Variants in SLC7A8 observed in about 807,000 individuals in gnomAD.
SLC7A8 encodes the protein large neutral amino acids transporter small subunit 2.
In SLC7A8, 30 loss-of-function variants were observed where a neutral mutation model predicts 51.2. That is an observed-to-expected ratio of 0.59 (90% CI 0.44 to 0.80). SLC7A8 has a LOEUF of 0.80. Among genes scored for constraint, SLC7A8 ranks in the 30% least tolerant of loss-of-function variants. SLC7A8 has a pLI of 0.00. For synonymous variants in SLC7A8, 257 were observed against 275.8 expected, an observed-to-expected ratio of 0.93 and a Z score of 0.67; for missense variants, 612 against 674.4, an observed-to-expected ratio of 0.91 and a Z score of 1.03.
intron 1 of SLC7A8, among the ~76,000 whole-genome samples, chr14:23,176,813 G>T (rs780349689): frequency 2.0e-5 from 3 of 151,778 alleles, no homozygotes; most frequent in African/African-American, 7.3e-5. Context: ...GTGGTAGCTC[G>T]CGCCTGTAAT....
At position 23,171,068 on chromosome 14, in the gene SLC7A8, T is replaced by G. The variant is rs149011413; in HGVS notation, c.152-4528A>C. Among the ~76,000 whole-genome samples, 18 of 152,284 alleles carry G rather than the reference T, an allele frequency of 1.2e-4. 1 individual carries two copies. The highest frequency in any genetic ancestry group is 6.8e-3 in the Middle Eastern group (2 of 294). On this transcript the variant is annotated intron_variant, in intron 1 of 10. Transcript: ENST00000316902. ...GATGAGATATAGGAAGAAAGTTGAT[T>G]ACTGTGGGTTTTTTCCTCCAATGTT...
chr14:23,134,507 G>A (rs1336889789), intron 7 of SLC7A8, among the ~76,000 whole-genome samples: 7 of 150,330 alleles, frequency 4.7e-5, no homozygotes, highest in African/African-American at 1.5e-4. Context: ...TAAAATAGAT[G>A]GAATATTTAT....
intron 3 of SLC7A8, among the ~76,000 whole-genome samples, chr14:23,149,287 T>C (rs949474327): frequency 2.0e-5 from 3 of 152,206 alleles, no homozygotes; most frequent in Admixed American, 6.5e-5. Context: ...TCTTTCCTTT[T>C]AGAGAAATCC....
intron 1 of SLC7A8, among the ~76,000 whole-genome samples, chr14:23,176,141 T>C (rs1413165545): frequency 6.6e-6 from 1 of 152,214 alleles, no homozygotes; most frequent in Non-Finnish European, 1.5e-5. Context: ...CCAGTAGACA[T>C]TTTTGGGATT....
At position 23,166,446 on chromosome 14, in the gene SLC7A8, C is replaced by T. The variant is rs556269281; in HGVS notation, c.246G>A (p.Thr82=). The change falls in exon 2 of 11, where the codon ACG becomes ACA. Residue 82 remains threonine, a synonymous_variant. Coordinates refer to ENST00000316902, the MANE Select transcript of SLC7A8 (RefSeq NM_012244.4). The part of the protein sequence containing the change: ...VGLALIVWIV[T]GFITVVGALC... Reference sequence around the variant, plus strand: ...GGGCTCCCACAACTGTGATGAAGCCCGTCACAATCCAGACGATGAGAGCAA... The same window carrying T: ...GGGCTCCCACAACTGTGATGAAGCCTGTCACAATCCAGACGATGAGAGCAA... 45 of 1,614,138 alleles carry T rather than the reference C, an allele frequency of 2.8e-5. 1 individual carries two copies. Among genetic ancestry groups the T allele is most frequent in the South Asian group, 8.8e-5 (8 of 91,076 alleles).
Position 23,182,894 on chromosome 14 carries a change from G to T in SLC7A8, c.21C>A (p.His7Gln). MEEGAR[H>Q]RNNTEKKHPG... Reference sequence around the variant, plus strand: ...GGTGTTTCTTTTCGGTGTTGTTTCGGTGCCTGGCTCCTTCTTCCATCCTTC... The same window carrying T: ...GGTGTTTCTTTTCGGTGTTGTTTCGTTGCCTGGCTCCTTCTTCCATCCTTC... Residue 7 changes from histidine to glutamine, a missense_variant, in exon 1 of 11, where the codon CAC (histidine) becomes CAA (glutamine). By Grantham distance (24) the His-to-Gln change is conservative. Transcript: ENST00000316902. The T allele has an allele frequency of 6.2e-7, 1 of 1,614,122 alleles. No homozygotes were observed. The highest frequency in any genetic ancestry group is 8.5e-7 in the Non-Finnish European group (1 of 1,180,022).
chr14:23,136,838 C>T (rs1288490549), intron 7 of SLC7A8, among the ~76,000 whole-genome samples: 4 of 152,232 alleles, frequency 2.6e-5, no homozygotes, highest in Non-Finnish European at 2.9e-5. Context: ...TTGGCCTCGG[C>T]GGGGCCTCCG....
At chr14:23,178,280 TG>T (rs767673530) in intron 1 of SLC7A8, among the ~76,000 whole-genome samples, 2 of 152,210 alleles carry the variant, frequency 1.3e-5, no homozygotes, top group East Asian at 3.8e-4. Flanking sequence ...CTTTCGACTT[TG>T]GGGGGAACTC....
chr14:23,155,453 C>T (rs1330459158), intron 3 of SLC7A8: 2 of 1,432,290 alleles, frequency 1.4e-6, no homozygotes, highest in Non-Finnish European at 9.1e-7. Context: ...TCTGCTGAAT[C>T]ACCACCCAGT....
chr14:23,179,493 T>C (rs969412497), intron 1 of SLC7A8, among the ~76,000 whole-genome samples: 1 of 150,498 alleles, frequency 6.6e-6, no homozygotes, highest in African/African-American at 2.5e-5. Context: ...AATGTAACTT[T>C]GCCACAGTCC....
At position 23,127,607 on chromosome 14, in the gene SLC7A8, G is replaced by A. The variant is rs1299329159; in HGVS notation, c.1442-264C>T. 3.3e-5 allele frequency among the ~76,000 whole-genome samples: 5 copies of A among 152,286 alleles called. 1 individual carries two copies. The highest frequency in any genetic ancestry group is 1.2e-4 in the African/African-American group (5 of 41,564). Reference sequence around the variant, plus strand: ...TCTCCTCTGGTCTCCACCCAGCCTCGGGCAGCTCTCACAGAATGGCTGACA... The same window carrying A: ...TCTCCTCTGGTCTCCACCCAGCCTCAGGCAGCTCTCACAGAATGGCTGACA... On this transcript the variant is annotated intron_variant, in intron 10 of 10. Coordinates refer to ENST00000316902, the MANE Select transcript of SLC7A8 (RefSeq NM_012244.4).
At chr14:23,162,101 A>C (rs1228582705) in intron 3 of SLC7A8, among the ~76,000 whole-genome samples, 1 of 152,058 alleles carries the variant, frequency 6.6e-6, no homozygotes, top group African/African-American at 2.4e-5. Context: ...AAAGTATTCA[A>C]CAAACCGGAA....
rs2048942815 is a variant in SLC7A8 at position 23,165,173 on chromosome 14, A to C, written c.508+112T>G. On this transcript the variant is annotated intron_variant, in intron 3 of 10. Coordinates refer to ENST00000316902, the MANE Select transcript of SLC7A8 (RefSeq NM_012244.4). This position sits in a 1 kb window ranked among gnomAD's most constrained non-coding sequence, Gnocchi z 4.2. ...TTCAAGGCTGCAGTGAGCTATGATC[A>C]TGCGGCTGCGCTCCAGCCTGAGTGA... 1.2e-5 allele frequency: 13 copies of C among 1,120,260 alleles called. No individual in the cohort carries two copies. The highest frequency in any genetic ancestry group is 1.6e-5 in the Non-Finnish European group (13 of 833,964). The allele number at this position is 1,120,260 out of a possible 1,614,324, so 69.4% of individuals were successfully genotyped here. A position where few individuals can be genotyped will look rare whatever the true frequency, so the allele number is the denominator to read the frequency against.
chr14:23,136,910 C>T (rs1189977730), intron 7 of SLC7A8, among the ~76,000 whole-genome samples: 1 of 152,190 alleles, frequency 6.6e-6, no homozygotes, highest in African/African-American at 2.4e-5. Flanking sequence ...TCACAGGGTC[C>T]CGGGGTACAG....
At chr14:23,178,862 T>C (rs1877036090) in intron 1 of SLC7A8, among the ~76,000 whole-genome samples, 1 of 137,988 alleles carries the variant, frequency 7.2e-6, no homozygotes, top group Non-Finnish European at 1.5e-5. Flanking sequence ...TCCAGCCTGG[T>C]TAACAGAGTG....
chr14:23,157,384 T>C (rs1253781585), intron 3 of SLC7A8, among the ~76,000 whole-genome samples: 1 of 152,220 alleles, frequency 6.6e-6, no homozygotes, highest in Admixed American at 6.5e-5. Flanking sequence ...TTGCCTCTGA[T>C]CTTATTCCCC....
intron 7 of SLC7A8, among the ~76,000 whole-genome samples, chr14:23,135,701 TA>T (rs59251315): frequency 2.0e-5 from 3 of 148,738 alleles, no homozygotes; most frequent in Non-Finnish European, 3.0e-5. Context: ...GACTCTGCCT[TA>T]AAAAAAAAAG....
intron 1 of SLC7A8, among the ~76,000 whole-genome samples, chr14:23,174,112 G>A (rs1046130829): frequency 2.6e-5 from 4 of 152,158 alleles, no homozygotes; most frequent in Non-Finnish European, 5.9e-5. Flanking sequence ...ATGGCATGCC[G>A]ATGCAAATCA....
intron 10 of SLC7A8, 69 bp from the exon 11 acceptor site, chr14:23,127,412 G>A (rs2180395): frequency 0.13 from 209,793 of 1,560,304 alleles, 15,699 homozygotes; most frequent in East Asian, 0.36. Context: ...AAGTGGCCCC[G>A]GCCCTTCCTG....
Sources: gnomAD v4.1 joint callset for allele counts (sites outside exome capture counted in the v4.1 genomes callset) on GRCh38, gnomAD v4.1.1 for gene constraint, Gnocchi (gnomAD v3.1) non-coding constraint, MANE v1.5 for transcripts, NCBI Gene and HGNC (gene_info 2026-07-23, HGNC 2026-07-21) for gene names.